The following SVIL variants were observed in gnomAD, a reference collection of about 807,000 sequenced individuals.
The protein encoded by SVIL is archvillin.
A neutral mutation model predicts 240.4 loss-of-function variants in SVIL; 101 were observed. The observed-to-expected ratio is 0.42, with a 90% CI of 0.36 to 0.50. SVIL has a LOEUF of 0.50. Among genes scored for constraint, SVIL ranks in the 20% least tolerant of loss-of-function variants. SVIL has a pLI of 0.01. For missense variants in SVIL, 2,512 were observed against 2,818.7 expected (o/e 0.89, Z 2.46); for synonymous variants, 999 against 1,100.0 (o/e 0.91, Z 1.82).
intron 1 of SVIL, among the ~76,000 whole-genome samples, chr10:29,579,943 G>C (rs1030937701): frequency 3.3e-5 from 5 of 152,096 alleles, no homozygotes; most frequent in Non-Finnish European, 5.9e-5. Flanking sequence ...TCTTCTCGGT[G>C]ACTTATCCTC....
At chr10:29,617,043 A>G (rs1398917784) in intron 1 of SVIL, among the ~76,000 whole-genome samples, 1 of 152,156 alleles carries the variant, frequency 6.6e-6, no homozygotes, top group Non-Finnish European at 1.5e-5. Flanking sequence ...TCTTAACACC[A>G]GAGATGGAGA....
At chr10:29,483,920 G>T (rs1248771739) in intron 27 of SVIL, 2 of 152,168 alleles carry the variant, frequency 1.3e-5, no homozygotes, top group Admixed American at 1.3e-4. Flanking sequence ...AATATTCTAT[G>T]CTGTTTGGTG....
chr10:29,689,681 AT>A (rs1961358111), intron 1 of SVIL, among the ~76,000 whole-genome samples: 1 of 152,208 alleles, frequency 6.6e-6, no homozygotes, highest in Admixed American at 6.5e-5. Context: ...CCTACAAATG[AT>A]GGGCTTGTTC....
chr10:29,595,912 A>G (rs909438988), intron 1 of SVIL, among the ~76,000 whole-genome samples: 1 of 152,222 alleles, frequency 6.6e-6, no homozygotes, highest in Non-Finnish European at 1.5e-5. Context: ...CTGTGGCCCC[A>G]TCATTCCCAG....
chr10:29,718,757 G>T (rs1305505666), intron 1 of SVIL, among the ~76,000 whole-genome samples: 1 of 152,178 alleles, frequency 6.6e-6, no homozygotes, highest in Non-Finnish European at 1.5e-5. Context: ...CACTAGAAAA[G>T]ATTGGAGATA....
At chr10:29,581,078 A>G (rs1955925707) in intron 1 of SVIL, among the ~76,000 whole-genome samples, 1 of 152,234 alleles carries the variant, frequency 6.6e-6, no homozygotes, top group Admixed American at 6.5e-5. Context: ...TTTTAATGAA[A>G]TCTACTATAA....
intron 1 of SVIL, among the ~76,000 whole-genome samples, chr10:29,695,870 CTCTCCCTCTCCCGTCT>C: frequency 1.6e-5 from 1 of 62,318 alleles, no homozygotes; most frequent in East Asian, 4.9e-4. Flanking sequence ...TCCCGTCTCC[CTCTCCCTCTCCCGTCT>C]CCCTCTCCCT....
intron 2 of SVIL, among the ~76,000 whole-genome samples, chr10:29,672,686 A>G (rs571271081): frequency 6.6e-6 from 1 of 152,122 alleles, no homozygotes; most frequent in South Asian, 2.1e-4. Context: ...AGGTTCAAAT[A>G]TCTCCTCCTC....
intron 29 of SVIL, among the ~76,000 whole-genome samples, chr10:29,479,151 G>A (rs1946548956): frequency 1.3e-5 from 2 of 152,040 alleles, no homozygotes; most frequent in Non-Finnish European, 2.9e-5. Flanking sequence ...CTGCTCCAAG[G>A]TCTGGTGACT....
chr10:29,629,596 G>GTTCATCCCTTCTACTC (rs1958007687), intron 1 of SVIL, among the ~76,000 whole-genome samples: 1 of 128,884 alleles, frequency 7.8e-6, no homozygotes, highest in Admixed American at 8.6e-5. Flanking sequence ...CACATGGTAT[G>GTTCATCCCTTCTACTC]TGCCCAAGCT....
intron 1 of SVIL, among the ~76,000 whole-genome samples, chr10:29,732,458 G>A (rs1289857970): frequency 6.6e-6 from 1 of 152,052 alleles, no homozygotes; most frequent in Non-Finnish European, 1.5e-5. Flanking sequence ...ACAATATAGA[G>A]TATATTTGCT....
intron 22 of SVIL, among the ~76,000 whole-genome samples, chr10:29,489,273 T>TA (rs1289572058): frequency 1.3e-5 from 2 of 152,348 alleles, no homozygotes; most frequent in South Asian, 2.1e-4. Flanking sequence ...CTTCTGCTCT[T>TA]AGAGTTAAGA....
intron 1 of SVIL, among the ~76,000 whole-genome samples, chr10:29,570,743 T>C (rs1199378733): frequency 1.3e-5 from 2 of 152,230 alleles, no homozygotes; most frequent in African/African-American, 4.8e-5. Context: ...AAGGTTTCAG[T>C]GGTTTAGTAG....
rs1159029583 is a variant in SVIL, at chr10:29,493,067, T to C, written c.4019+147A>G. The C allele has an allele frequency of 8.1e-6, 8 of 989,378 alleles. 1 individual carries two copies. Among genetic ancestry groups the C allele is most frequent in the South Asian group, 5.3e-5 (3 of 56,218 alleles). The allele number at this position is 989,378 out of a possible 1,614,324, so 61.3% of individuals were successfully genotyped here. On this transcript the variant is annotated intron_variant, in intron 21 of 37. Coordinates refer to ENST00000355867, the MANE Select transcript of SVIL (RefSeq NM_021738.3). ...CCGTGCCCCTGGCTCCTGCAACACC[T>C]TGCCCTGGCTCTAGAATACTAACGC...
chr10:29,662,490 C>A (rs925107866), intron 2 of SVIL, among the ~76,000 whole-genome samples: 1 of 152,132 alleles, frequency 6.6e-6, no homozygotes, highest in East Asian at 1.9e-4. Flanking sequence ...AGACCATCTC[C>A]CCATTAGAGA....
intron 3 of SVIL, among the ~76,000 whole-genome samples, chr10:29,558,727 G>C (rs1480300774): frequency 6.6e-6 from 1 of 151,318 alleles, no homozygotes; most frequent in Non-Finnish European, 1.5e-5. Flanking sequence ...AGGAGTTTGA[G>C]ACTAGTGTGG....
intron 1 of SVIL, among the ~76,000 whole-genome samples, chr10:29,586,521 G>T (rs1956172848): frequency 6.6e-6 from 1 of 152,012 alleles, no homozygotes; most frequent in Admixed American, 6.6e-5. Flanking sequence ...AGGTCCCTTG[G>T]CTCCTAAAAC....
At chr10:29,474,621 A>AT (rs1945981120) in intron 29 of SVIL, among the ~76,000 whole-genome samples, 1 of 151,160 alleles carries the variant, frequency 6.6e-6, no homozygotes, top group African/African-American at 2.4e-5. Context: ...AAATAAATAA[A>AT]TAAATAAATA....
chr10:29,726,381 A>T (rs1023167591), intron 1 of SVIL, among the ~76,000 whole-genome samples: 1 of 152,146 alleles, frequency 6.6e-6, no homozygotes, highest in Non-Finnish European at 1.5e-5. Flanking sequence ...CTGAATCCAA[A>T]CCCAGACTCT....
Sources: gnomAD v4.1 joint callset for allele counts (sites outside exome capture counted in the v4.1 genomes callset) on GRCh38, gnomAD v4.1.1 for gene constraint, MANE v1.5 for transcripts, NCBI Gene and HGNC (gene_info 2026-07-23, HGNC 2026-07-21) for gene names.